Variants in RELN observed in about 807,000 individuals in gnomAD.
RELN encodes the protein reelin.
Under a neutral mutation model 427.6 loss-of-function variants are expected in RELN, and 108 were observed. The observed-to-expected ratio is 0.25, with a 90% CI of 0.22 to 0.30. The LOEUF (loss-of-function observed/expected upper bound fraction) is 0.30, where lower values mean the gene tolerates loss of function less well. Ranked by LOEUF, RELN falls within the 10% of genes least tolerant of loss-of-function variation. RELN has a pLI of 1.00. For synonymous variants in RELN, 1,524 were observed against 1,513.4 expected (o/e 1.01, Z -0.16); for missense variants, 3,715 against 4,302.8 (o/e 0.86, Z 3.82).
At chr7:103,601,041 A>AGTCTG (rs1723824343) in intron 24 of RELN, among the ~76,000 whole-genome samples, 1 of 152,230 alleles carries the variant, frequency 6.6e-6, no homozygotes. Flanking sequence ...GAGCCCAGAT[A>AGTCTG]GTCTGTCTGA....
intron 51 of RELN, among the ~76,000 whole-genome samples, chr7:103,506,905 CTT>C (rs1048357822): frequency 8.5e-5 from 13 of 152,296 alleles, no homozygotes; most frequent in African/African-American, 3.1e-4. Flanking sequence ...ATAAAACAGA[CTT>C]TAAACCAACA....
intron 2 of RELN, among the ~76,000 whole-genome samples, chr7:103,864,726 T>C (rs1260947231): frequency 2.6e-5 from 4 of 151,422 alleles, no homozygotes; most frequent in Non-Finnish European, 4.4e-5. Flanking sequence ...GGAGCAGAAA[T>C]AGAAAATAGA....
At chr7:103,575,134 C>G (rs777718929) in intron 29 of RELN, among the ~76,000 whole-genome samples, 7 of 152,312 alleles carry the variant, frequency 4.6e-5, no homozygotes, top group African/African-American at 1.7e-4. Context: ...CAACTCCCAG[C>G]TGAATGATCT....
intron 1 of RELN, among the ~76,000 whole-genome samples, chr7:103,987,948 GT>G (rs1173256645): frequency 1.3e-5 from 2 of 151,998 alleles, no homozygotes; most frequent in Non-Finnish European, 2.9e-5. Flanking sequence ...AGATATCAAG[GT>G]TTTTTTAAAA....
chr7:103,874,574 G>T (rs892378544), intron 2 of RELN, among the ~76,000 whole-genome samples: 1 of 145,864 alleles, frequency 6.9e-6, no homozygotes, highest in Non-Finnish European at 1.5e-5. Flanking sequence ...CAGACAAACA[G>T]AGAGCCAAAT....
At chr7:103,871,714 A>C (rs986289386) in intron 2 of RELN, among the ~76,000 whole-genome samples, 15 of 152,140 alleles carry the variant, frequency 9.9e-5, no homozygotes, top group African/African-American at 3.4e-4. Context: ...TCAGGTATAA[A>C]GTATGAAGAG....
chr7:103,880,714 T>C (rs553633123), intron 2 of RELN, among the ~76,000 whole-genome samples: 4 of 152,062 alleles, frequency 2.6e-5, no homozygotes, highest in Non-Finnish European at 5.9e-5. Flanking sequence ...TTAGACAGAG[T>C]CTACCTCTGT....
chr7:103,589,810 T>G lies in RELN; in HGVS notation c.3931A>C (p.Asn1311His). 1.2e-6 allele frequency: 2 copies of G among 1,605,908 alleles called. No homozygotes were observed. Among genetic ancestry groups the G allele is most frequent in the Non-Finnish European group, 1.7e-6 (2 of 1,172,498 alleles). The change falls in exon 28 of 65, where the codon AAT becomes CAT. Residue 1311 changes from asparagine (N) to histidine (H), a missense_variant. This residue lies in a region of RELN where 2,208 missense variants were observed against 2,361.7 expected (regional missense o/e 0.93). Transcript: ENST00000428762. ...LQFKLNIGCA[N>H]QFSSTAPVLL... ...ACTGGAGCAGTACTGCTGAATTGAT[T>G]GGCACAACCTATGTTTAGCTGTTAA... is the stretch of plus-strand genomic sequence containing the variant.
intron 51 of RELN, among the ~76,000 whole-genome samples, chr7:103,509,365 T>C (rs540013110): frequency 1.3e-5 from 2 of 152,106 alleles, no homozygotes; most frequent in African/African-American, 4.8e-5. Flanking sequence ...TACAACCATC[T>C]TGATCTTTGA....
intron 4 of RELN, among the ~76,000 whole-genome samples, chr7:103,762,837 G>T (rs1791336210): frequency 6.6e-6 from 1 of 152,036 alleles, no homozygotes; most frequent in Admixed American, 6.6e-5. Context: ...TAGATTTAAG[G>T]CAGCTTACAA....
chr7:103,974,233 T>C (rs1477133614), intron 1 of RELN, among the ~76,000 whole-genome samples: 1 of 152,168 alleles, frequency 6.6e-6, no homozygotes, highest in African/African-American at 2.4e-5. Context: ...TCACTGAAGA[T>C]CCAAAACAAC....
chr7:103,711,989 T>C (rs1789813085), intron 8 of RELN, among the ~76,000 whole-genome samples: 1 of 152,076 alleles, frequency 6.6e-6, no homozygotes, highest in South Asian at 2.1e-4. Context: ...GTTGTCAAAA[T>C]GAAGCCTACA....
At chr7:103,942,473 C>T (rs1441032645) in intron 1 of RELN, among the ~76,000 whole-genome samples, 1 of 152,124 alleles carries the variant, frequency 6.6e-6, no homozygotes, top group Non-Finnish European at 1.5e-5. Flanking sequence ...GTGTGGTCTA[C>T]AGAACACTTT....
In RELN at chr7:103,753,077, A is replaced by G; in HGVS notation, c.577+105T>C. 7.2e-6 allele frequency: 8 copies of G among 1,115,664 alleles called. No individual in the cohort carries two copies. The Middle Eastern group carries it at 1.4e-3, about 191-fold the overall frequency. The allele number at this position is 1,115,664 out of a possible 1,614,324, so 69.1% of individuals were successfully genotyped here. A position where few individuals can be genotyped will look rare whatever the true frequency, so the allele number is the denominator to read the frequency against. On this transcript the variant is annotated intron_variant, in intron 5 of 64. Transcript: ENST00000428762. ...ATTTCAGTGACTGATCAATGATCAGAGAGGACAGCTTCCTTGCCTCTATAA... is the reference window on the plus strand; with the variant it reads ...ATTTCAGTGACTGATCAATGATCAGGGAGGACAGCTTCCTTGCCTCTATAA...
intron 2 of RELN, among the ~76,000 whole-genome samples, chr7:103,841,128 G>A (rs1385441211): frequency 1.3e-5 from 2 of 152,104 alleles, no homozygotes; most frequent in African/African-American, 4.8e-5. Context: ...CAAAGAAAGT[G>A]GAGTTTATCC....
chr7:103,695,063 T>G (rs1447287554), intron 10 of RELN, among the ~76,000 whole-genome samples: 1 of 152,192 alleles, frequency 6.6e-6, no homozygotes, highest in Middle Eastern at 3.4e-3. Context: ...TCATGACCAA[T>G]AGGAACACTG....
intron 3 of RELN, among the ~76,000 whole-genome samples, chr7:103,785,032 G>A (rs1335779716): frequency 6.6e-6 from 1 of 152,034 alleles, no homozygotes; most frequent in African/African-American, 2.4e-5. Flanking sequence ...GACAAACATT[G>A]TTATAAGTAA....
intron 4 of RELN, among the ~76,000 whole-genome samples, chr7:103,767,626 C>A (rs1257538099): frequency 6.6e-6 from 1 of 151,506 alleles, no homozygotes; most frequent in African/African-American, 2.4e-5. Flanking sequence ...ATAATTGCTG[C>A]AAAAAAAACT....
At chr7:103,689,672 G>A (rs1261903975) in intron 10 of RELN, among the ~76,000 whole-genome samples, 1 of 151,990 alleles carries the variant, frequency 6.6e-6, no homozygotes, top group Middle Eastern at 3.2e-3. Flanking sequence ...GCTTCATGGG[G>A]TACTATTAAA....
Sources: allele counts gnomAD v4.1 joint callset (sites outside exome capture counted in the v4.1 genomes callset), GRCh38; gene constraint gnomAD v4.1.1; regional missense constraint gnomAD v4.1.1; transcripts MANE v1.5; gene names NCBI Gene and HGNC (gene_info 2026-07-23, HGNC 2026-07-21).